NLGN4X: variants seen among roughly 807,000 people sequenced by gnomAD.
The protein encoded by NLGN4X is neuroligin 4 X-linked.
A neutral mutation model predicts 40.3 loss-of-function variants in NLGN4X; 3 were observed. The ratio of observed to expected loss-of-function variants is 0.07; its 90% CI spans 0.03 to 0.19. The LOEUF is 0.19. NLGN4X is among the 10% of genes least tolerant of loss of function. The pLI, the probability that NLGN4X is intolerant of heterozygous loss-of-function variation, is 1.00. For synonymous variants in NLGN4X, 270 were observed against 306.8 expected (o/e 0.88, Z 1.25); for missense variants, 382 against 708.3 (o/e 0.54, Z 5.23).
intron 4 of NLGN4X, among the ~76,000 whole-genome samples, chrX:5,905,132 A>G (rs1294123058): frequency 9.0e-6 from 1 of 111,550 alleles, no homozygotes; most frequent in African/African-American, 3.3e-5. Context: ...TTCATTAGTT[A>G]AAACATTCAG....
intron 3 of NLGN4X, among the ~76,000 whole-genome samples, chrX:5,934,849 T>C (rs1363298911): frequency 8.9e-6 from 1 of 112,297 alleles, no homozygotes; most frequent in Non-Finnish European, 1.9e-5. Flanking sequence ...AAGAAGTCAA[T>C]ATGTAATGTA....
At chrX:5,999,427 G>C (rs1268076697) in intron 3 of NLGN4X, among the ~76,000 whole-genome samples, 1 of 112,224 alleles carries the variant, frequency 8.9e-6, no homozygotes, top group Admixed American at 9.5e-5. Context: ...CAGCCATGCT[G>C]TCACTTTAAA....
intron 2 of NLGN4X, among the ~76,000 whole-genome samples, chrX:6,056,028 C>T (rs1358523218): frequency 8.9e-6 from 1 of 112,374 alleles, no homozygotes; most frequent in Non-Finnish European, 1.9e-5. Flanking sequence ...TACATTAATA[C>T]TGTTGGTGCT....
At position 6,169,329 on chromosome X, in the gene NLGN4X, T is replaced by C. The variant is rs1035215583; in HGVS notation, c.-305-17558A>G. On this transcript the variant is annotated intron_variant, in intron 1 of 5. Coordinates refer to ENST00000381095, the MANE Select transcript of NLGN4X (RefSeq NM_181332.3). ...ACAAAGAACTACACCCTGAGGATGA[T>C]CAACAAATAATCTGACATTTACCAG... Among the ~76,000 whole-genome samples, 17 of 112,759 alleles carry C rather than the reference T, an allele frequency of 1.5e-4. No homozygotes were observed. The Admixed American group carries it at 1.6e-3, about 11-fold the overall frequency.
At position 6,127,146 on chromosome X, in the gene NLGN4X, T is replaced by C. The variant is rs769032742; in HGVS notation, c.472+23849A>G. On this transcript the variant is annotated intron_variant, in intron 2 of 5. Coordinates refer to ENST00000381095, the MANE Select transcript of NLGN4X (RefSeq NM_181332.3). The stretch of plus-strand genomic sequence containing the variant: ...CGGAGGGCAGAAGGCGAGTAAGGCC[T>C]GTATATATGACCTCCAGTTCCCTCC... Among the ~76,000 whole-genome samples, 70 of 111,396 alleles carry C rather than the reference T, an allele frequency of 6.3e-4. No individual in the cohort carries two copies. The South Asian group carries it at 0.027, about 43-fold the overall frequency.
intron 3 of NLGN4X, among the ~76,000 whole-genome samples, chrX:5,992,551 T>C (rs1348085059): frequency 1.8e-5 from 2 of 111,498 alleles, no homozygotes; most frequent in Non-Finnish European, 3.8e-5. Context: ...CAGTGAGCTA[T>C]GATTGCACCA....
chrX:6,208,405 G>A lies in NLGN4X; in HGVS notation c.-306+20136C>T, dbSNP rs143740303. On this transcript the variant is annotated intron_variant, in intron 1 of 5. Transcript: ENST00000381095. Reference sequence around the variant, plus strand: ...TGCCACCTCCTTTCGGATAACGTGCGTTATATTAACTGTCCCCAAATGTCA... The same window carrying A: ...TGCCACCTCCTTTCGGATAACGTGCATTATATTAACTGTCCCCAAATGTCA... Among the ~76,000 whole-genome samples the A allele has an allele frequency of 3.3e-3, 372 of 112,055 alleles. 2 individuals carry two copies. Among genetic ancestry groups the A allele is most frequent in the African/African-American group, 0.011 (329 of 30,909 alleles).
chrX:6,160,958 TAAATA>T (rs1356865625), intron 1 of NLGN4X, among the ~76,000 whole-genome samples: 1 of 99,402 alleles, frequency 1.0e-5, no homozygotes, highest in East Asian at 3.0e-4. Context: ...AAATAAAATA[TAAATA>T]AAATATATTA....
intron 3 of NLGN4X, among the ~76,000 whole-genome samples, chrX:5,959,689 T>C (rs1050618564): frequency 1.8e-5 from 2 of 112,103 alleles, no homozygotes; most frequent in Admixed American, 1.9e-4. Flanking sequence ...GCCAGATACA[T>C]ACCGTGCATT....
At chrX:5,917,565 A>G (rs2032858886) in intron 3 of NLGN4X, among the ~76,000 whole-genome samples, 1 of 111,948 alleles carries the variant, frequency 8.9e-6, no homozygotes, top group Non-Finnish European at 1.9e-5. Context: ...CTTTCTTTAT[A>G]TGTGAAATGG....
chrX:6,155,560 A>T (rs1208769743), intron 1 of NLGN4X, among the ~76,000 whole-genome samples: 1 of 111,776 alleles, frequency 8.9e-6, no homozygotes, highest in Admixed American at 9.5e-5. Flanking sequence ...CTCTCCACGC[A>T]TGGCCATGCA....
chrX:5,903,723 G>A lies in NLGN4X; in HGVS notation c.955C>T (p.Arg319Trp), dbSNP rs199769855. Residue 319 changes from arginine (R) to tryptophan (W), a missense_variant, in exon 5 of 6, where the codon CGG (arginine) becomes TGG (tryptophan). Arg to Trp is a moderately radical substitution (Grantham distance 101). Transcript: ENST00000381095. ...ATGAGCTCCTTGTAGTTCTTGTTCC[G>A]CAGGCATTCTACCATGTCCGTGGTG... is the stretch of plus-strand genomic sequence containing the variant. ...LDTTDMVECL[R>W]NKNYKELIQQ... 2 of 1,209,893 alleles carry A rather than the reference G, an allele frequency of 1.7e-6. No individual in the cohort carries two copies. Among genetic ancestry groups the A allele is most frequent in the Non-Finnish European group, 2.2e-6 (2 of 895,249 alleles).
chrX:6,086,676 G>A (rs1345340786), intron 2 of NLGN4X, among the ~76,000 whole-genome samples: 2 of 111,675 alleles, frequency 1.8e-5, no homozygotes, highest in Non-Finnish European at 3.8e-5. Flanking sequence ...CTGTCCCCCA[G>A]GCTGGAGTGT....
rs778189890 is a variant in NLGN4X at position 6,074,367 on chromosome X, G to C, written c.473-44935C>G. On this transcript the variant is annotated intron_variant, in intron 2 of 5. Coordinates refer to ENST00000381095, the MANE Select transcript of NLGN4X (RefSeq NM_181332.3). ...GACTCCAAAACTTGCCCTCCGGGAA[G>C]CCTGAGGTGGGGTGGTATTACCACT... 1.3e-4 allele frequency among the ~76,000 whole-genome samples: 14 copies of C among 111,727 alleles called. No individual in the cohort carries two copies. In the South Asian group the frequency reaches 5.3e-3, roughly 43 times the overall value.
chrX:5,967,569 C>T (rs1050241200), intron 3 of NLGN4X, among the ~76,000 whole-genome samples: 4 of 104,560 alleles, frequency 3.8e-5, no homozygotes, highest in Non-Finnish European at 8.0e-5. Context: ...TACCTTTCTG[C>T]TTCTGTGCAT....
At chrX:6,044,683 G>C (rs2037267019) in intron 2 of NLGN4X, among the ~76,000 whole-genome samples, 1 of 111,265 alleles carries the variant, frequency 9.0e-6, no homozygotes, top group South Asian at 3.9e-4. Flanking sequence ...AGATGTCAGT[G>C]TAAGTTCATG....
At chrX:6,037,642 C>T (rs987702037) in intron 2 of NLGN4X, among the ~76,000 whole-genome samples, 7 of 106,706 alleles carry the variant, frequency 6.6e-5, no homozygotes, top group Admixed American at 3.2e-4. Context: ...ACTGCATATT[C>T]GTTTTCTTTT....
intron 3 of NLGN4X, among the ~76,000 whole-genome samples, chrX:6,026,617 G>A (rs1021032803): frequency 6.3e-5 from 7 of 111,300 alleles, no homozygotes; most frequent in Non-Finnish European, 1.1e-4. Context: ...CTGTAAAATC[G>A]GCAAACTTGG....
At chrX:5,994,149 A>T (rs751516240) in intron 3 of NLGN4X, among the ~76,000 whole-genome samples, 3 of 111,807 alleles carry the variant, frequency 2.7e-5, no homozygotes, top group Non-Finnish European at 5.6e-5. Context: ...AAAAATTTGT[A>T]ATGGAGGAGA....
Sources: gnomAD v4.1 joint callset for allele counts (sites outside exome capture counted in the v4.1 genomes callset) on GRCh38, gnomAD v4.1.1 for gene constraint, MANE v1.5 for transcripts, NCBI Gene and HGNC (gene_info 2026-07-23, HGNC 2026-07-21) for gene names.